PACRG: variants seen among roughly 807,000 people sequenced by gnomAD.
PACRG encodes parkin coregulated gene protein.
Under a neutral mutation model 29.7 loss-of-function variants are expected in PACRG, and 29 were observed. The observed-to-expected ratio is 0.98, with a 90% confidence interval of 0.73 to 1.33. The LOEUF (loss-of-function observed/expected upper bound fraction) is 1.33, where lower values mean the gene tolerates loss of function less well. Ranked by LOEUF, PACRG falls within the 40% of genes most tolerant of loss-of-function variation. The pLI is 0.00. For synonymous variants in PACRG, 116 were observed against 118.7 expected (o/e 0.98, Z 0.15); for missense variants, 279 against 316.2 (o/e 0.88, Z 0.89).
chr6:162,753,029 A>T (rs1781628246), intron 1 of PACRG, among the ~76,000 whole-genome samples: 1 of 152,178 alleles, frequency 6.6e-6, no homozygotes, highest in South Asian at 2.1e-4. Context: ...TGATGTTTTG[A>T]TATATGTATA....
intron 4 of PACRG, among the ~76,000 whole-genome samples, chr6:163,224,282 T>C (rs1446575532): frequency 7.3e-6 from 1 of 136,716 alleles, no homozygotes; most frequent in African/African-American, 2.8e-5. Context: ...GGCAGGAGAA[T>C]AACTTGAACC....
At chr6:163,272,831 A>G (rs1783883899) in intron 4 of PACRG, among the ~76,000 whole-genome samples, 1 of 151,852 alleles carries the variant, frequency 6.6e-6, no homozygotes, top group African/African-American at 2.4e-5. Flanking sequence ...TATGAATAGA[A>G]TTCATAGTAA....
chr6:163,262,639 C>T (rs1783371716), intron 4 of PACRG, among the ~76,000 whole-genome samples: 1 of 151,982 alleles, frequency 6.6e-6, no homozygotes. Context: ...TTATTCCCTC[C>T]CCTTTACTTA....
At chr6:163,053,080 C>G (rs1420054749) in intron 2 of PACRG, among the ~76,000 whole-genome samples, 1 of 152,000 alleles carries the variant, frequency 6.6e-6, no homozygotes, top group Non-Finnish European at 1.5e-5. Flanking sequence ...ATTTCTTAAA[C>G]TTTAAAGAAA....
chr6:163,103,828 T>G (rs1815234609), intron 4 of PACRG, among the ~76,000 whole-genome samples: 1 of 152,228 alleles, frequency 6.6e-6, no homozygotes, highest in African/African-American at 2.4e-5. Flanking sequence ...ATTTTTGGAA[T>G]TGTTATTCTT....
chr6:163,173,985 A>G (rs1779219713), intron 4 of PACRG, among the ~76,000 whole-genome samples: 1 of 152,226 alleles, frequency 6.6e-6, no homozygotes, highest in African/African-American at 2.4e-5. Flanking sequence ...ATCTGAAGTA[A>G]TCAAGTCGTC....
At chr6:162,897,755 T>G (rs1182935023) in intron 2 of PACRG, among the ~76,000 whole-genome samples, 1 of 152,200 alleles carries the variant, frequency 6.6e-6, no homozygotes, top group East Asian at 1.9e-4. Flanking sequence ...CAGTGCTGTA[T>G]TAGTGAGTGG....
At chr6:163,312,175 C>G (rs1045938249) in intron 4 of PACRG, among the ~76,000 whole-genome samples, 1 of 152,198 alleles carries the variant, frequency 6.6e-6, no homozygotes, top group African/African-American at 2.4e-5. Context: ...AGGTCCACCT[C>G]TTTCATGCCT....
At chr6:162,952,501 C>T (rs377057938) in intron 2 of PACRG, among the ~76,000 whole-genome samples, 2 of 152,144 alleles carry the variant, frequency 1.3e-5, no homozygotes, top group African/African-American at 4.8e-5. Flanking sequence ...GTGAGGTTCA[C>T]GTCCAGCCTC....
intron 4 of PACRG, among the ~76,000 whole-genome samples, chr6:163,144,992 T>G (rs78348624): frequency 0.016 from 2,452 of 152,232 alleles, 56 homozygotes; most frequent in African/African-American, 0.056. Context: ...CTGCTGATGT[T>G]GAAAGGTAGC....
intron 4 of PACRG, among the ~76,000 whole-genome samples, chr6:163,152,152 A>G (rs2128338764): frequency 6.6e-6 from 1 of 152,318 alleles, no homozygotes; most frequent in South Asian, 2.1e-4. Context: ...ATTTTTCTAA[A>G]TTACCTATTT....
At chr6:162,924,861 AT>A (rs1468633230) in intron 2 of PACRG, among the ~76,000 whole-genome samples, 1 of 152,178 alleles carries the variant, frequency 6.6e-6, no homozygotes, top group Non-Finnish European at 1.5e-5. Flanking sequence ...CTTCAAAAAA[AT>A]CAATCAATCC....
At chr6:163,235,381 C>T (rs1025814280) in intron 4 of PACRG, among the ~76,000 whole-genome samples, 3 of 152,188 alleles carry the variant, frequency 2.0e-5, no homozygotes, top group Admixed American at 6.5e-5. Context: ...CCCCATTGTA[C>T]GTAACTGCCT....
At chr6:163,181,507 C>G (rs1779659530) in intron 4 of PACRG, among the ~76,000 whole-genome samples, 1 of 151,624 alleles carries the variant, frequency 6.6e-6, no homozygotes, top group African/African-American at 2.4e-5. Context: ...CGGCCCTCCC[C>G]TCCCCCTTCC....
At chr6:163,134,658 GA>G (rs1816858311) in intron 4 of PACRG, among the ~76,000 whole-genome samples, 1 of 152,100 alleles carries the variant, frequency 6.6e-6, no homozygotes, top group Admixed American at 6.5e-5. Flanking sequence ...CCAAATTTCA[GA>G]AAAATGTAAA....
At chr6:163,141,132 G>C (rs1464580981) in intron 4 of PACRG, among the ~76,000 whole-genome samples, 1 of 152,164 alleles carries the variant, frequency 6.6e-6, no homozygotes, top group Non-Finnish European at 1.5e-5. Flanking sequence ...GGAATTATCA[G>C]CAGCCCGAGA....
intron 4 of PACRG, among the ~76,000 whole-genome samples, chr6:163,163,847 G>A (rs533316553): frequency 6.6e-6 from 1 of 151,986 alleles, no homozygotes; most frequent in Non-Finnish European, 1.5e-5. Context: ...ATAAATAATT[G>A]TGAAGATACA....
At chr6:163,195,466 G>A (rs1780409970) in intron 4 of PACRG, among the ~76,000 whole-genome samples, 2 of 152,162 alleles carry the variant, frequency 1.3e-5, no homozygotes, top group Admixed American at 1.3e-4. Flanking sequence ...CAATGGAGAG[G>A]AGTGTTGGAG....
chr6:162,904,022 T>C (rs1482555555), intron 2 of PACRG, among the ~76,000 whole-genome samples: 1 of 152,198 alleles, frequency 6.6e-6, no homozygotes, highest in Admixed American at 6.5e-5. Context: ...TGCTGCACTC[T>C]TGAGTCCGAA....
Sources: gnomAD v4.1 joint callset for allele counts (sites outside exome capture counted in the v4.1 genomes callset) on GRCh38, gnomAD v4.1.1 for gene constraint, MANE v1.5 for transcripts, NCBI Gene and HGNC (gene_info 2026-07-23, HGNC 2026-07-21) for gene names.